The following C11orf65 variants were observed in gnomAD, a reference collection of about 807,000 sequenced individuals.
C11orf65 encodes protein MFI.
C11orf65 carries 38 observed loss-of-function variants against 35.3 expected under a neutral mutation model. That is an observed-to-expected ratio of 1.08 (90% CI 0.83 to 1.41). The LOEUF (loss-of-function observed/expected upper bound fraction) is 1.41. Among genes scored for constraint, C11orf65 ranks in the 40% most tolerant of loss-of-function variants. The pLI, the probability that C11orf65 is intolerant of heterozygous loss-of-function variation, is 0.00. For missense variants in C11orf65, 370 were observed against 367.1 expected (o/e 1.01, Z -0.06); for synonymous variants, 105 against 114.4 (o/e 0.92, Z 0.53).
chr11:108,382,466 T>G (rs114119277), downstream of C11orf65, among the ~76,000 whole-genome samples: 1 of 151,644 alleles, frequency 6.6e-6, no homozygotes, highest in Non-Finnish European at 1.5e-5. Context: ...AAAGATAACA[T>G]TATAAAAGAA....
chr11:108,356,078 A>C (rs1252274021), intron 2 of C11orf65: 1 of 152,226 alleles, frequency 6.6e-6, no homozygotes, highest in Admixed American at 6.5e-5. Context: ...CTGTTCATAC[A>C]TGTTGTCATT....
chr11:108,363,538 T>C (rs775060996), intron 2 of C11orf65, among the ~76,000 whole-genome samples: 6 of 152,150 alleles, frequency 3.9e-5, no homozygotes, highest in Admixed American at 1.3e-4. Context: ...ATTGTCACAA[T>C]TGGGGATGGG....
intron 2 of C11orf65, among the ~76,000 whole-genome samples, chr11:108,438,866 C>A (rs1409317762): frequency 6.6e-6 from 1 of 151,710 alleles, no homozygotes; most frequent in Non-Finnish European, 1.5e-5. Context: ...ATTAGCCAGG[C>A]ATGGTGGTGG....
At chr11:108,404,490 C>T (rs1462596054) in intron 6 of C11orf65, among the ~76,000 whole-genome samples, 1 of 151,852 alleles carries the variant, frequency 6.6e-6, no homozygotes, top group Non-Finnish European at 1.5e-5. Flanking sequence ...TCACTGCAAG[C>T]TCCGCCTCCT....
chr11:108,461,431 T>G, intron 2 of C11orf65, 48 bp downstream of exon 2: 2 of 1,434,700 alleles, frequency 1.4e-6, no homozygotes, highest in Non-Finnish European at 1.9e-6. Flanking sequence ...CACTTTAAAT[T>G]TTATGACATA....
At chr11:108,378,023 G>A (rs563309603), downstream of C11orf65, among the ~76,000 whole-genome samples, 46 of 150,302 alleles carry the variant, frequency 3.1e-4, no homozygotes, top group African/African-American at 1.1e-3. Flanking sequence ...TCATGGATAG[G>A]AAGAATCAAT....
chr11:108,445,512 G>C (rs921484175), intron 2 of C11orf65, among the ~76,000 whole-genome samples: 16 of 152,144 alleles, frequency 1.1e-4, no homozygotes, highest in African/African-American at 2.2e-4. Context: ...AGGCAAACAG[G>C]GTCTGGAGTG....
intron 2 of C11orf65, among the ~76,000 whole-genome samples, chr11:108,438,918 A>G (rs2093108061): frequency 1.3e-5 from 2 of 152,064 alleles, no homozygotes; most frequent in African/African-American, 4.8e-5. Context: ...AGGCAGAAGA[A>G]TCATTTGAAC....
Position 108,437,110 on chromosome 11 carries a change from A to AAGG in C11orf65, c.82-5273_82-5272insCCT, listed in dbSNP as rs35610227. ...CCATTACGACAAAAAAAAAAAAAAA[A>AAGG]GGGGGGGGGTGGACAAAATTTTAAA... On this transcript the variant is annotated intron_variant, in intron 2 of 8. Coordinates refer to ENST00000393084, the MANE Select transcript of C11orf65 (RefSeq NM_152587.5). 1.3e-3 allele frequency among the ~76,000 whole-genome samples: 136 copies of AAGG among 101,842 alleles called. 2 individuals are homozygous for AAGG. The highest frequency in any genetic ancestry group is 5.2e-3 in the East Asian group (15 of 2,862). The allele number at this position is 101,842 out of a possible 152,430, so 66.8% of individuals were successfully genotyped here. A position where few individuals can be genotyped will look rare whatever the true frequency, so the allele number is the denominator to read the frequency against.
chr11:108,337,217 G>A (rs2086946898), intron 2 of C11orf65, among the ~76,000 whole-genome samples: 1 of 152,144 alleles, frequency 6.6e-6, no homozygotes, highest in Non-Finnish European at 1.5e-5. Context: ...GGTTGGGAGA[G>A]GGGCATACTG....
chr11:108,406,656 A>T, intron 5 of C11orf65, 107 bp downstream of exon 5: 1 of 749,496 alleles, frequency 1.3e-6, no homozygotes, highest in Non-Finnish European at 1.9e-6. Context: ...TATCAATTAA[A>T]TTACTAGGAT....
At chr11:108,366,311 A>G (rs1206398541) in intron 2 of C11orf65, 1 of 210,612 alleles carries the variant, frequency 4.7e-6, no homozygotes, top group East Asian at 7.2e-5. Context: ...TACCCTATCC[A>G]TTGGGCTTCT....
At chr11:108,443,804 G>A (rs1283724902) in intron 2 of C11orf65, among the ~76,000 whole-genome samples, 1 of 151,882 alleles carries the variant, frequency 6.6e-6, no homozygotes, top group Non-Finnish European at 1.5e-5. Context: ...AGAATCTCTG[G>A]GACACATTTA....
At position 108,341,572 on chromosome 11, in the gene C11orf65, A is replaced by G. The variant is rs149956049; in HGVS notation, c.227-6280T>C. On this transcript the variant is annotated intron_variant, in intron 2 of 3. Coordinates refer to the C11orf65 transcript ENST00000524755. ...TAATCAAATGCTTCCTTAAGACACA[A>G]AACAGTTCAACATATGTGAGAAACT... Among the ~76,000 whole-genome samples the G allele has an allele frequency of 3.9e-3, 595 of 152,318 alleles. 1 individual carries two copies. Among genetic ancestry groups the G allele is most frequent in the African/African-American group, 0.013 (560 of 41,568 alleles).
At chr11:108,435,641 T>C (rs572290562) in intron 2 of C11orf65, among the ~76,000 whole-genome samples, 1 of 152,248 alleles carries the variant, frequency 6.6e-6, no homozygotes, top group Non-Finnish European at 1.5e-5. Flanking sequence ...AAATAGCTAG[T>C]GGAAGAAAAA....
At chr11:108,378,859 C>T (rs1565624258), downstream of C11orf65, among the ~76,000 whole-genome samples, 1 of 150,432 alleles carries the variant, frequency 6.6e-6, no homozygotes, top group African/African-American at 2.5e-5. Flanking sequence ...TTTATGCAGC[C>T]AAAAAACACA....
chr11:108,359,312 T>G (rs1366682638), intron 2 of C11orf65, among the ~76,000 whole-genome samples: 2 of 151,894 alleles, frequency 1.3e-5, no homozygotes, highest in East Asian at 3.9e-4. Flanking sequence ...CTGAGTGACC[T>G]ACAAAGAGAC....
intron 1 of C11orf65, among the ~76,000 whole-genome samples, chr11:108,464,343 C>G (rs1427290664): frequency 7.5e-6 from 1 of 132,582 alleles, no homozygotes; most frequent in African/African-American, 2.5e-5. Flanking sequence ...TGTCGCCAGG[C>G]TGGAATGCAG....
chr11:108,423,406 T>C (rs1467318135), intron 3 of C11orf65, among the ~76,000 whole-genome samples: 1 of 152,088 alleles, frequency 6.6e-6, no homozygotes, highest in African/African-American at 2.4e-5. Context: ...GGGAGGGACA[T>C]CTGCAATTAC....
Sources: gnomAD v4.1 joint callset for allele counts (sites outside exome capture counted in the v4.1 genomes callset) on GRCh38, gnomAD v4.1.1 for gene constraint, MANE v1.5 for transcripts, NCBI Gene and HGNC (gene_info 2026-07-23, HGNC 2026-07-21) for gene names.